IQSEC1: variants seen among roughly 807,000 people sequenced by gnomAD.
IQSEC1 encodes the protein IQ motif and Sec7 domain ArfGEF 1.
Under a neutral mutation model 91.0 loss-of-function variants are expected in IQSEC1, and 31 were observed. That is an observed-to-expected ratio of 0.34 (90% CI 0.26 to 0.46). IQSEC1 has a LOEUF of 0.46. IQSEC1 is among the 20% of genes least tolerant of loss of function. The pLI is 1.00. For synonymous variants in IQSEC1, 699 were observed against 662.6 expected, an observed-to-expected ratio of 1.05 and a Z score of -0.84; for missense variants, 1,388 against 1,575.6, an observed-to-expected ratio of 0.88 and a Z score of 2.02.
intron 1 of IQSEC1, among the ~76,000 whole-genome samples, chr3:13,217,688 C>T (rs1184920372): frequency 6.6e-6 from 1 of 152,092 alleles, no homozygotes; most frequent in Admixed American, 6.6e-5. Context: ...TTAGTATTTT[C>T]CTTTAAATTG....
intron 1 of IQSEC1, among the ~76,000 whole-genome samples, chr3:12,981,839 G>A (rs574390349): frequency 2.0e-5 from 3 of 152,300 alleles, no homozygotes; most frequent in Admixed American, 6.5e-5. Context: ...GTCAGGAGCC[G>A]GGTGAGACCA....
At chr3:13,209,672 G>C (rs1694408700) in intron 1 of IQSEC1, among the ~76,000 whole-genome samples, 1 of 152,230 alleles carries the variant, frequency 6.6e-6, no homozygotes, top group African/African-American at 2.4e-5. Context: ...CTGCACTTCG[G>C]ATTTTTAATA....
At chr3:13,277,266 C>T (rs1426741950) in intron 1 of IQSEC1, among the ~76,000 whole-genome samples, 1 of 152,062 alleles carries the variant, frequency 6.6e-6, no homozygotes, top group Non-Finnish European at 1.5e-5. Context: ...GCCCCTCCAA[C>T]GTGACCGACC....
intron 2 of IQSEC1, among the ~76,000 whole-genome samples, chr3:13,094,579 C>A (rs1467061105): frequency 6.6e-6 from 1 of 152,218 alleles, no homozygotes; most frequent in East Asian, 1.9e-4. Context: ...TGGTGCCAGA[C>A]CCTGCACTAA....
At chr3:13,217,710 T>C (rs796843941) in intron 1 of IQSEC1, among the ~76,000 whole-genome samples, 6 of 152,354 alleles carry the variant, frequency 3.9e-5, no homozygotes, top group African/African-American at 1.4e-4. Flanking sequence ...CTCACTCCTT[T>C]ACTTAAATGT....
At chr3:12,955,425 G>C (rs569126957) in intron 1 of IQSEC1, among the ~76,000 whole-genome samples, 3 of 152,346 alleles carry the variant, frequency 2.0e-5, no homozygotes, top group African/African-American at 7.2e-5. Flanking sequence ...CTTGGGCCGA[G>C]AGCCAGCTGG....
At chr3:12,972,363 C>T (rs376618385) in intron 1 of IQSEC1, among the ~76,000 whole-genome samples, 3 of 152,056 alleles carry the variant, frequency 2.0e-5, no homozygotes, top group African/African-American at 7.2e-5. Context: ...GGTCTTCTGA[C>T]ATCTTCTAGG....
At chr3:13,262,618 T>C (rs571668064) in intron 1 of IQSEC1, among the ~76,000 whole-genome samples, 4 of 152,316 alleles carry the variant, frequency 2.6e-5, no homozygotes, top group Admixed American at 6.5e-5. Context: ...GCACACCCAA[T>C]GCACATGGCT....
chr3:13,054,459 G>A (rs535927990), intron 1 of IQSEC1, among the ~76,000 whole-genome samples: 10 of 152,320 alleles, frequency 6.6e-5, no homozygotes, highest in East Asian at 1.9e-4. Context: ...TGCAGTTTAC[G>A]TGTCAGCCAT....
At chr3:13,222,474 T>G (rs1694680552) in intron 1 of IQSEC1, among the ~76,000 whole-genome samples, 1 of 152,164 alleles carries the variant, frequency 6.6e-6, no homozygotes, top group Admixed American at 6.5e-5. Context: ...TTCTTTTGGG[T>G]CTACACTGAG....
intron 1 of IQSEC1, among the ~76,000 whole-genome samples, chr3:13,184,926 C>T (rs1693905347): frequency 6.6e-6 from 1 of 152,162 alleles, no homozygotes; most frequent in African/African-American, 2.4e-5. Context: ...GATAGATGGA[C>T]CTTCCTTGGT....
intron 1 of IQSEC1, among the ~76,000 whole-genome samples, chr3:13,049,256 T>C (rs1168390707): frequency 6.6e-6 from 1 of 152,144 alleles, no homozygotes; most frequent in Non-Finnish European, 1.5e-5. Context: ...ACCGATACGA[T>C]GCGACGAAAA....
rs749700860 is a variant in IQSEC1, at chr3:12,941,794, G to C, written c.95C>G (p.Pro32Arg). 1.9e-6 allele frequency: 3 copies of C among 1,611,254 alleles called. No individual in the cohort carries two copies. The African/African-American group carries it at 4.0e-5, about 21-fold the overall frequency. The change falls in exon 2 of 14, where the codon CCC becomes CGC. Residue 32 changes from proline (P) to arginine (R), a missense_variant. By Grantham distance (103) the Pro-to-Arg change is moderately radical. This residue lies in a region of IQSEC1 where 1,059 missense variants were observed against 1,317.8 expected (regional missense o/e 0.80). Transcript: ENST00000613206. ...LDSPSAYPQG[P>R]LVPGSSLSPD... ...GCTCAGGCTGGAACCGGGCACCAAGGGGCCCTGGGGGTAGGCTGAGGGGCT... is the reference window on the plus strand; with the variant it reads ...GCTCAGGCTGGAACCGGGCACCAAGCGGCCCTGGGGGTAGGCTGAGGGGCT...
intron 1 of IQSEC1, among the ~76,000 whole-genome samples, chr3:13,068,969 T>C (rs1290586493): frequency 1.3e-5 from 2 of 152,150 alleles, no homozygotes; most frequent in Non-Finnish European, 2.9e-5. Flanking sequence ...ATACAGCAGG[T>C]GCACCATGAA....
At chr3:13,184,598 T>C (rs1224128363) in intron 1 of IQSEC1, among the ~76,000 whole-genome samples, 1 of 152,062 alleles carries the variant, frequency 6.6e-6, no homozygotes, top group Admixed American at 6.6e-5. Context: ...TCCTAACAAG[T>C]GTACTAGAGC....
chr3:12,976,621 C>T (rs1701188630), intron 1 of IQSEC1, among the ~76,000 whole-genome samples: 2 of 151,596 alleles, frequency 1.3e-5, no homozygotes, highest in African/African-American at 2.4e-5. Context: ...TCCACATTCT[C>T]TCTGTCTCAT....
chr3:12,945,681 G>A (rs915739604), intron 1 of IQSEC1, among the ~76,000 whole-genome samples: 4 of 152,176 alleles, frequency 2.6e-5, no homozygotes, highest in African/African-American at 9.6e-5. Flanking sequence ...ACATAGCTAT[G>A]AACCCATTTG....
At position 12,967,725 on chromosome 3, in the gene IQSEC1, T is replaced by C; in HGVS notation, c.24-25860A>G. On this transcript the variant is annotated intron_variant, in intron 1 of 13. Coordinates refer to ENST00000613206, the MANE Select transcript of IQSEC1 (RefSeq NM_001134382.3). The surrounding 1 kb of genome is among the most constrained non-coding windows in gnomAD (Gnocchi z 5.9). Reference sequence around the variant, plus strand: ...AGGCCGGGCCGGAGGAATGTGGCCCTGAAGTGGGCGGGGCAGGGCGGGGGC... The same window carrying C: ...AGGCCGGGCCGGAGGAATGTGGCCCCGAAGTGGGCGGGGCAGGGCGGGGGC... 1 of 1,087,182 alleles carries C rather than the reference T, an allele frequency of 9.2e-7. No homozygotes were observed. Among genetic ancestry groups the C allele is most frequent in the Non-Finnish European group, 1.1e-6 (1 of 897,902 alleles). The allele number at this position is 1,087,182 out of a possible 1,614,324, so 67.3% of individuals were successfully genotyped here.
At chr3:13,276,718 C>T (rs1045579839) in intron 1 of IQSEC1, among the ~76,000 whole-genome samples, 1 of 152,190 alleles carries the variant, frequency 6.6e-6, no homozygotes, top group Non-Finnish European at 1.5e-5. Flanking sequence ...AGGCAGCAGC[C>T]GTTTCCCGAT....
Sources: allele counts gnomAD v4.1 joint callset (sites outside exome capture counted in the v4.1 genomes callset), GRCh38; gene constraint gnomAD v4.1.1; regional missense constraint gnomAD v4.1.1; non-coding constraint Gnocchi (gnomAD v3.1); transcripts MANE v1.5; gene names NCBI Gene and HGNC (gene_info 2026-07-23, HGNC 2026-07-21).